STAG1: variants seen among roughly 807,000 people sequenced by gnomAD.
STAG1 encodes the protein cohesin subunit SA-1.
In STAG1, 26 loss-of-function variants were observed where a neutral mutation model predicts 170.9. That is an observed-to-expected ratio of 0.15 (90% CI 0.11 to 0.21). STAG1 has a LOEUF of 0.21. STAG1 is among the 10% of genes least tolerant of loss of function. The pLI is 1.00. For synonymous variants in STAG1, 514 were observed against 497.7 expected (o/e 1.03, Z -0.44); for missense variants, 964 against 1,509.5 (o/e 0.64, Z 5.99).
intron 4 of STAG1, among the ~76,000 whole-genome samples, chr3:136,574,205 C>A (rs994067658): frequency 1.3e-5 from 2 of 151,934 alleles, no homozygotes; most frequent in Non-Finnish European, 2.9e-5. Flanking sequence ...GGTGCCGCTG[C>A]ACTCCAGCCC....
chr3:136,626,325 C>G (rs893696677), intron 2 of STAG1, among the ~76,000 whole-genome samples: 2 of 150,182 alleles, frequency 1.3e-5, no homozygotes, highest in Admixed American at 1.3e-4. Context: ...ACTTGGGAGG[C>G]TGAGGCAGGA....
intron 9 of STAG1, 76 bp downstream of exon 9, chr3:136,500,147 A>C (rs1933390596): frequency 1.1e-6 from 1 of 936,906 alleles, no homozygotes; most frequent in Non-Finnish European, 1.6e-6. Flanking sequence ...TGAGTTTTAC[A>C]GTTAGCCTGG....
At chr3:136,536,801 G>C (rs931523172) in intron 6 of STAG1, among the ~76,000 whole-genome samples, 1 of 151,368 alleles carries the variant, frequency 6.6e-6, no homozygotes, top group African/African-American at 2.4e-5. Flanking sequence ...CCTCAGGCAA[G>C]TTTCTTAACC....
intron 22 of STAG1, among the ~76,000 whole-genome samples, chr3:136,398,041 G>C (rs1445450036): frequency 1.3e-5 from 2 of 151,910 alleles, no homozygotes; most frequent in Non-Finnish European, 2.9e-5. Context: ...CTGCCTCCTG[G>C]GTTCAAGCGA....
At chr3:136,565,926 GAA>G (rs1409529671) in intron 5 of STAG1, among the ~76,000 whole-genome samples, 2 of 152,190 alleles carry the variant, frequency 1.3e-5, no homozygotes, top group Non-Finnish European at 2.9e-5. Flanking sequence ...GTCACACACA[GAA>G]GGTGACATAT....
At chr3:136,386,030 AGTTGAC>A (rs1256327562) in intron 22 of STAG1, among the ~76,000 whole-genome samples, 2 of 152,148 alleles carry the variant, frequency 1.3e-5, no homozygotes, top group Admixed American at 1.3e-4. Context: ...CAACAAATTA[AGTTGAC>A]GTTTTTAAAA....
intron 20 of STAG1, 83 bp from the exon 21 acceptor site, chr3:136,418,055 T>C (rs2087825765): frequency 9.3e-7 from 1 of 1,080,134 alleles, no homozygotes; most frequent in Non-Finnish European, 1.4e-6. Flanking sequence ...AGTGGAAGAA[T>C]AAAATAATTT....
intron 7 of STAG1, among the ~76,000 whole-genome samples, chr3:136,512,410 G>T (rs1413369153): frequency 1.3e-5 from 2 of 152,254 alleles, no homozygotes; most frequent in Non-Finnish European, 2.9e-5. Context: ...CTGAAAATAG[G>T]AATATTATCT....
At chr3:136,682,883 G>C (rs1297473206) in intron 1 of STAG1, among the ~76,000 whole-genome samples, 1 of 152,002 alleles carries the variant, frequency 6.6e-6, no homozygotes, top group African/African-American at 2.4e-5. Context: ...GTCTACTAAC[G>C]GATAAATGGA....
chr3:136,365,894 T>C (rs761602680), intron 25 of STAG1, among the ~76,000 whole-genome samples: 6 of 151,792 alleles, frequency 4.0e-5, no homozygotes, highest in South Asian at 4.2e-4. Context: ...CTGAAACAGG[T>C]AGGCATATTT....
intron 5 of STAG1, among the ~76,000 whole-genome samples, chr3:136,556,270 T>C (rs535307429): frequency 6.6e-6 from 1 of 152,320 alleles, no homozygotes; most frequent in Non-Finnish European, 1.5e-5. Flanking sequence ...AGGGGATGAA[T>C]ATATGCAGAA....
chr3:136,563,220 T>C (rs1936914245), intron 5 of STAG1, among the ~76,000 whole-genome samples: 2 of 152,220 alleles, frequency 1.3e-5, no homozygotes, highest in Admixed American at 6.5e-5. Context: ...TATTGTGCTC[T>C]TCATCAAACT....
At chr3:136,554,410 C>T (rs1936524725) in intron 5 of STAG1, among the ~76,000 whole-genome samples, 1 of 152,116 alleles carries the variant, frequency 6.6e-6, no homozygotes, top group African/African-American at 2.4e-5. Flanking sequence ...TAACAATGGA[C>T]ATACTACACC....
chr3:136,746,074 G>A (rs1211867767), intron 1 of STAG1, among the ~76,000 whole-genome samples: 1 of 152,170 alleles, frequency 6.6e-6, no homozygotes, highest in Non-Finnish European at 1.5e-5. Context: ...GAAGCTGACT[G>A]TCCCCTTAAC....
At chr3:136,498,928 T>C (rs1933312233) in intron 9 of STAG1, among the ~76,000 whole-genome samples, 2 of 152,134 alleles carry the variant, frequency 1.3e-5, no homozygotes, top group African/African-American at 2.4e-5. Flanking sequence ...CAGATACACA[T>C]ACACACACAA....
At chr3:136,670,340 T>C (rs1347635977) in intron 1 of STAG1, among the ~76,000 whole-genome samples, 1 of 152,228 alleles carries the variant, frequency 6.6e-6, no homozygotes, top group Admixed American at 6.5e-5. Context: ...ATTTTAAAAC[T>C]ACACTGGTAG....
chr3:136,586,023 T>C (rs1402676669), intron 4 of STAG1, among the ~76,000 whole-genome samples: 1 of 152,220 alleles, frequency 6.6e-6, no homozygotes, highest in Non-Finnish European at 1.5e-5. Flanking sequence ...ATGTTTTCTG[T>C]ATTTCAATTC....
intron 1 of STAG1, among the ~76,000 whole-genome samples, chr3:136,734,135 A>C (rs1367103097): frequency 6.6e-6 from 1 of 151,420 alleles, no homozygotes; most frequent in African/African-American, 2.4e-5. Flanking sequence ...AAAACAAAAC[A>C]AAAACAAAAC....
At chr3:136,724,221 AG>A (rs1006405467) in intron 1 of STAG1, among the ~76,000 whole-genome samples, 1 of 151,984 alleles carries the variant, frequency 6.6e-6, no homozygotes, top group African/African-American at 2.4e-5. Context: ...GTGTAGAAAG[AG>A]GTAGACACGG....
Sources: gnomAD v4.1 joint callset for allele counts (sites outside exome capture counted in the v4.1 genomes callset) on GRCh38, gnomAD v4.1.1 for gene constraint, MANE v1.5 for transcripts, NCBI Gene and HGNC (gene_info 2026-07-23, HGNC 2026-07-21) for gene names.